Variants in DYM observed in about 807,000 individuals in gnomAD.
DYM encodes dyggve-Melchior-Clausen syndrome protein.
In DYM, 78 loss-of-function variants were observed where a neutral mutation model predicts 93.1. The ratio of observed to expected loss-of-function variants is 0.84; its 90% CI spans 0.70 to 1.01. DYM has a LOEUF of 1.01. Among genes scored for constraint, DYM ranks in the 50% least tolerant of loss-of-function variants. DYM has a pLI of 0.00. For synonymous variants in DYM, 321 were observed against 319.7 expected (o/e 1.00, Z -0.04); for missense variants, 789 against 845.0 (o/e 0.93, Z 0.82).
chr18:49,146,519 G>A (rs2085160932), intron 15 of DYM, among the ~76,000 whole-genome samples: 1 of 152,116 alleles, frequency 6.6e-6, no homozygotes, highest in Admixed American at 6.5e-5. Flanking sequence ...AAATCAATGT[G>A]CAAAAATCAC....
intron 13 of DYM, among the ~76,000 whole-genome samples, chr18:49,234,321 G>A (rs1156555995): frequency 6.6e-6 from 1 of 152,074 alleles, no homozygotes. Flanking sequence ...GTTGGGCATG[G>A]TGATGTATGC....
chr18:49,380,933 T>C (rs1179010206), intron 3 of DYM, among the ~76,000 whole-genome samples: 1 of 152,208 alleles, frequency 6.6e-6, no homozygotes, highest in Admixed American at 6.5e-5. Flanking sequence ...TCAAACACAC[T>C]GACTTAGGCT....
intron 8 of DYM, among the ~76,000 whole-genome samples, chr18:49,302,221 G>A (rs1378156171): frequency 6.6e-6 from 1 of 152,102 alleles, no homozygotes; most frequent in Non-Finnish European, 1.5e-5. Context: ...AAGACTCTCT[G>A]AAATACAGAT....
chr18:49,396,350 T>C (rs907558483), intron 2 of DYM, among the ~76,000 whole-genome samples: 5 of 152,274 alleles, frequency 3.3e-5, no homozygotes, highest in African/African-American at 1.2e-4. Context: ...GTATAAACAT[T>C]GAGCATCCCT....
chr18:49,265,046 T>C, intron 11 of DYM, among the ~76,000 whole-genome samples: 1 of 152,224 alleles, frequency 6.6e-6, no homozygotes, highest in East Asian at 1.9e-4. Context: ...ATACCAAATA[T>C]ACTAGTCTCA....
chr18:49,419,523 T>C (rs2073393921), intron 2 of DYM, among the ~76,000 whole-genome samples: 1 of 152,206 alleles, frequency 6.6e-6, no homozygotes, highest in South Asian at 2.1e-4. Context: ...AGTTCATCTT[T>C]TTCCCCACTG....
At chr18:49,126,432 T>C (rs969194683) in intron 15 of DYM, 2 of 152,258 alleles carry the variant, frequency 1.3e-5, no homozygotes, top group African/African-American at 2.4e-5. Flanking sequence ...TATGATTAGA[T>C]GTCTGGTTCA....
intron 15 of DYM, among the ~76,000 whole-genome samples, chr18:49,151,097 T>C (rs2085767272): frequency 6.6e-6 from 1 of 152,084 alleles, no homozygotes; most frequent in African/African-American, 2.4e-5. Context: ...ATTACCAAGA[T>C]CTCCAAATTT....
intron 1 of DYM, among the ~76,000 whole-genome samples, chr18:49,448,535 T>C (rs754089361): frequency 6.6e-6 from 1 of 152,186 alleles, no homozygotes; most frequent in Non-Finnish European, 1.5e-5. Flanking sequence ...TGGGTGAGCA[T>C]GACTAGCCCC....
chr18:49,439,724 C>A (rs2081163642), intron 1 of DYM, among the ~76,000 whole-genome samples: 1 of 152,060 alleles, frequency 6.6e-6, no homozygotes, highest in South Asian at 2.1e-4. Flanking sequence ...TGGTAACAGG[C>A]CAGGAACTGT....
At chr18:49,328,966 A>G (rs1477631032) in intron 8 of DYM, among the ~76,000 whole-genome samples, 2 of 152,178 alleles carry the variant, frequency 1.3e-5, no homozygotes, top group African/African-American at 4.8e-5. Flanking sequence ...TCATGCTACT[A>G]TAAAGACACA....
chr18:49,243,424 G>C (rs2094082221), intron 13 of DYM, among the ~76,000 whole-genome samples: 1 of 152,094 alleles, frequency 6.6e-6, no homozygotes, highest in African/African-American at 2.4e-5. Context: ...GAGCACTTTG[G>C]GAGGCCAAGG....
intron 15 of DYM, among the ~76,000 whole-genome samples, chr18:49,148,626 T>C (rs2085442783): frequency 6.6e-6 from 1 of 152,176 alleles, no homozygotes; most frequent in African/African-American, 2.4e-5. Flanking sequence ...AAGCTCATAG[T>C]AAATTAAAGT....
chr18:49,374,906 C>T (rs1300018496), intron 5 of DYM, among the ~76,000 whole-genome samples: 1 of 151,870 alleles, frequency 6.6e-6, no homozygotes, highest in African/African-American at 2.4e-5. Context: ...TTGCAGTGAG[C>T]CGAGATCGTT....
At position 49,182,664 on chromosome 18, in the gene DYM, T is replaced by C. The variant is rs1282936886; in HGVS notation, c.1626-18877A>G. On this transcript the variant is annotated intron_variant, in intron 14 of 17. Transcript: ENST00000675505. ...TTGCTATAGTTTTCCATTTGTCCTA[T>C]TGATTCTTTTTTTCCCCTTTTTCCA... is the stretch of plus-strand genomic sequence containing the variant. Among the ~76,000 whole-genome samples the C allele has an allele frequency of 2.6e-5, 4 of 152,198 alleles. No individual in the cohort carries two copies. In the Middle Eastern group the frequency reaches 0.01, roughly 391 times the overall value.
intron 11 of DYM, among the ~76,000 whole-genome samples, chr18:49,269,141 A>T (rs1236026365): frequency 3.3e-5 from 5 of 152,122 alleles, no homozygotes; most frequent in Non-Finnish European, 4.4e-5. Context: ...TGGGCAAAGG[A>T]CCTGAATAGA....
At chr18:49,144,980 G>C (rs372627003) in intron 15 of DYM, among the ~76,000 whole-genome samples, 8 of 150,698 alleles carry the variant, frequency 5.3e-5, no homozygotes, top group African/African-American at 1.9e-4. Flanking sequence ...CGTGCCTATA[G>C]TCCCAGCTAC....
At chr18:49,371,902 C>T (rs186356961) in intron 5 of DYM, among the ~76,000 whole-genome samples, 145 of 152,318 alleles carry the variant, frequency 9.5e-4, no homozygotes, top group Non-Finnish European at 1.7e-3. Context: ...TAAGAGCTTA[C>T]TGACAGTCAC....
intron 2 of DYM, among the ~76,000 whole-genome samples, chr18:49,409,373 T>C (rs1012752479): frequency 6.6e-6 from 1 of 151,726 alleles, no homozygotes; most frequent in African/African-American, 2.4e-5. Context: ...TAAAGACACA[T>C]GATTGACTAT....
Sources: allele counts gnomAD v4.1 joint callset (sites outside exome capture counted in the v4.1 genomes callset), GRCh38; gene constraint gnomAD v4.1.1; transcripts MANE v1.5; gene names NCBI Gene and HGNC (gene_info 2026-07-23, HGNC 2026-07-21).